Variants in CPEB3 observed in about 807,000 individuals in gnomAD.
CPEB3 encodes cytoplasmic polyadenylation element binding protein 3, also known as cytoplasmic polyadenylation element-binding protein 3.
A neutral mutation model predicts 67.2 loss-of-function variants in CPEB3; 20 were observed. That is an observed-to-expected ratio of 0.30 (90% CI 0.21 to 0.43). The LOEUF is 0.43. Among genes scored for constraint, CPEB3 ranks in the 20% least tolerant of loss-of-function variants. The probability of loss-of-function intolerance (pLI) is 1.00; values close to 1 mark genes in which losing one functional copy is unlikely to be tolerated. For synonymous variants in CPEB3, 376 were observed against 393.1 expected (o/e 0.96, Z 0.51); for missense variants, 746 against 968.6 (o/e 0.77, Z 3.05).
intron 6 of CPEB3, among the ~76,000 whole-genome samples, chr10:92,135,362 G>A (rs188187871): frequency 3.8e-4 from 58 of 152,140 alleles, no homozygotes; most frequent in Middle Eastern, 6.8e-3. Context: ...ATATGAATAC[G>A]CACTTCTCAA....
intron 6 of CPEB3, among the ~76,000 whole-genome samples, chr10:92,140,021 G>A (rs1238476225): frequency 4.0e-5 from 6 of 148,182 alleles, no homozygotes; most frequent in South Asian, 4.3e-4. Flanking sequence ...TGCAGAAGCC[G>A]AGATCACACC....
At chr10:92,058,374 T>C (rs960137525) in intron 9 of CPEB3, among the ~76,000 whole-genome samples, 21 of 151,852 alleles carry the variant, frequency 1.4e-4, no homozygotes, top group Admixed American at 3.9e-4. Context: ...GGCAAAACCC[T>C]GTCTCTACTA....
chr10:92,198,449 T>C (rs1315883225), intron 2 of CPEB3, among the ~76,000 whole-genome samples: 2 of 152,226 alleles, frequency 1.3e-5, no homozygotes, highest in African/African-American at 4.8e-5. Flanking sequence ...TCTACCTCTA[T>C]ACAATCCCAG....
chr10:92,215,128 G>A (rs1187227528), intron 2 of CPEB3, among the ~76,000 whole-genome samples: 3 of 151,042 alleles, frequency 2.0e-5, no homozygotes, highest in African/African-American at 7.3e-5. Context: ...CATCACAGAC[G>A]TGAGCCACAG....
At chr10:92,087,778 T>C (rs960914704) in intron 8 of CPEB3, among the ~76,000 whole-genome samples, 1 of 152,154 alleles carries the variant, frequency 6.6e-6, no homozygotes, top group African/African-American at 2.4e-5. Context: ...CACAGAGATA[T>C]GCAACAGGGC....
At chr10:92,157,435 C>T (rs1308420479) in intron 4 of CPEB3, among the ~76,000 whole-genome samples, 1 of 152,166 alleles carries the variant, frequency 6.6e-6, no homozygotes, top group Non-Finnish European at 1.5e-5. Flanking sequence ...TACAGCATTA[C>T]ACAAATGAAA....
intron 9 of CPEB3, among the ~76,000 whole-genome samples, chr10:92,077,102 T>C (rs924806356): frequency 6.6e-6 from 1 of 152,204 alleles, no homozygotes; most frequent in Non-Finnish European, 1.5e-5. Context: ...ATAGAAATTC[T>C]CTGTAGACAA....
intron 4 of CPEB3, among the ~76,000 whole-genome samples, chr10:92,158,143 T>A (rs1847294237): frequency 6.6e-6 from 1 of 152,002 alleles, no homozygotes; most frequent in Non-Finnish European, 1.5e-5. Context: ...GAAAAAAAAA[T>A]TCACACAAAG....
chr10:92,231,630 C>T (rs936472366), intron 2 of CPEB3, among the ~76,000 whole-genome samples: 8 of 152,152 alleles, frequency 5.3e-5, no homozygotes. Context: ...TTCCTTATTC[C>T]AAGTTTCATA....
At chr10:92,231,495 T>C (rs1460882583) in intron 2 of CPEB3, among the ~76,000 whole-genome samples, 4 of 152,046 alleles carry the variant, frequency 2.6e-5, no homozygotes, top group Admixed American at 2.0e-4. Context: ...ACCTCCTCCT[T>C]TTCCCTTCTG....
intron 1 of CPEB3, among the ~76,000 whole-genome samples, chr10:92,273,704 C>T (rs747889772): frequency 3.9e-5 from 6 of 152,082 alleles, no homozygotes; most frequent in Admixed American, 6.6e-5. Flanking sequence ...AAAATTAATA[C>T]CTATTAATTG....
At chr10:92,188,525 G>A (rs1042890424) in intron 3 of CPEB3, among the ~76,000 whole-genome samples, 7 of 151,956 alleles carry the variant, frequency 4.6e-5, no homozygotes, top group African/African-American at 1.4e-4. Context: ...TTCGAGACCA[G>A]CCTGGACAAC....
At chr10:92,064,684 T>C (rs1483736408) in intron 9 of CPEB3, among the ~76,000 whole-genome samples, 2 of 152,062 alleles carry the variant, frequency 1.3e-5, no homozygotes, top group Non-Finnish European at 2.9e-5. Context: ...CCTGACTCAC[T>C]TGGAGATCCT....
intron 7 of CPEB3, among the ~76,000 whole-genome samples, chr10:92,097,629 CTT>C (rs1441555904): frequency 6.6e-6 from 1 of 152,134 alleles, no homozygotes; most frequent in African/African-American, 2.4e-5. Flanking sequence ...CATATAGTGA[CTT>C]TAACATCAGC....
intron 6 of CPEB3, among the ~76,000 whole-genome samples, chr10:92,135,931 T>C (rs1004057167): frequency 4.0e-5 from 6 of 151,434 alleles, no homozygotes; most frequent in Admixed American, 4.0e-4. Flanking sequence ...AAACACTGCA[T>C]GTTCTCACTC....
At chr10:92,261,952 C>T (rs953326935) in intron 1 of CPEB3, among the ~76,000 whole-genome samples, 5 of 152,144 alleles carry the variant, frequency 3.3e-5, no homozygotes, top group Non-Finnish European at 5.9e-5. Context: ...ACAAGTCTCC[C>T]AATGGTTCAA....
At chr10:92,129,708 G>A (rs544718142) in intron 6 of CPEB3, among the ~76,000 whole-genome samples, 16 of 151,684 alleles carry the variant, frequency 1.1e-4, no homozygotes, top group Admixed American at 2.6e-4. Context: ...CAATTTAGGA[G>A]AAAAAAAATC....
chr10:92,198,238 A>G (rs1293111717), intron 2 of CPEB3, among the ~76,000 whole-genome samples: 1 of 152,216 alleles, frequency 6.6e-6, no homozygotes, highest in Non-Finnish European at 1.5e-5. Flanking sequence ...AAGGATTCTC[A>G]TTGTACTGCT....
At chr10:92,144,559 C>G (rs905676976) in intron 5 of CPEB3, among the ~76,000 whole-genome samples, 2 of 152,298 alleles carry the variant, frequency 1.3e-5, no homozygotes, top group East Asian at 3.9e-4. Context: ...AACCACTGCA[C>G]TGGCCAGTAT....
Sources: allele counts gnomAD v4.1 joint callset (sites outside exome capture counted in the v4.1 genomes callset), GRCh38; gene constraint gnomAD v4.1.1; transcripts MANE v1.5; gene names NCBI Gene and HGNC (gene_info 2026-07-23, HGNC 2026-07-21).